Variants in FDFT1 observed in about 807,000 individuals in gnomAD.
FDFT1 encodes squalene synthase.
Under a neutral mutation model 46.8 loss-of-function variants are expected in FDFT1, and 68 were observed. The observed-to-expected ratio is 1.45, with a 90% CI of 1.19 to 1.78. The LOEUF (loss-of-function observed/expected upper bound fraction) is 1.78, where lower values mean the gene tolerates loss of function less well. Among genes scored for constraint, FDFT1 ranks in the 40% most tolerant of loss-of-function variants. The probability of loss-of-function intolerance (pLI) is 0.00; values close to 1 mark genes in which losing one functional copy is unlikely to be tolerated. For synonymous variants in FDFT1, 351 were observed against 185.1 expected (o/e 1.90, Z -7.28); for missense variants, 928 against 524.4 (o/e 1.77, Z -7.52).
At chr8:11,821,003 G>A (rs1809163393) in intron 3 of FDFT1, among the ~76,000 whole-genome samples, 1 of 152,226 alleles carries the variant, frequency 6.6e-6, no homozygotes, top group Non-Finnish European at 1.5e-5. Context: ...CATCTTGGAA[G>A]CAACTCTGGG....
Position 11,839,294 on chromosome 8 carries a change from C to G in FDFT1, c.*685C>G, listed in dbSNP as rs189861302. On this transcript the variant is annotated 3_prime_UTR_variant, in exon 8 of 8. Transcript: ENST00000220584. ...TTTTATAATAAAGAATTTAATTGCT[C>G]TGCATTTGTCAAGTACAGTTCGCTT... 126 of 150,754 alleles carry G rather than the reference C, an allele frequency of 8.4e-4. No individual in the cohort carries two copies. Among genetic ancestry groups the G allele is most frequent in the African/African-American group, 2.9e-3 (122 of 41,390 alleles). The allele number at this position is 150,754 out of a possible 1,614,324, so 9.3% of individuals were successfully genotyped here.
In FDFT1 at chr8:11,809,673, A is replaced by G; in HGVS notation, c.204A>G (p.Ala68=). 1.2e-6 allele frequency: 2 copies of G among 1,609,466 alleles called. No individual in the cohort carries two copies. ...AGTTTTCCCTTTTTTACAGCAACGC[A>G]GTGTGCATATTTTATCTGGTTCTCC... ...IQALDGEMRN[A]VCIFYLVLRA... Residue 68 remains alanine, a synonymous_variant, in exon 3 of 8, where the codon GCA becomes GCG. Coordinates refer to ENST00000220584, the MANE Select transcript of FDFT1 (RefSeq NM_004462.5).
At chr8:11,833,580 G>C (rs143009344) in intron 7 of FDFT1, among the ~76,000 whole-genome samples, 227 of 152,286 alleles carry the variant, frequency 1.5e-3, no homozygotes, top group Middle Eastern at 6.8e-3. Context: ...TAACTATTGG[G>C]ATTAAATCCT....
intron 6 of FDFT1, 89 bp from the exon 7 acceptor site, chr8:11,831,429 A>G (rs1348397189): frequency 1.5e-5 from 18 of 1,193,802 alleles, no homozygotes; most frequent in Non-Finnish European, 1.9e-5. Context: ...GCAATTGCCC[A>G]TTCAACAGAA....
In FDFT1 at chr8:11,829,494, GTAGGAATATAATGT is replaced by G. The variant is rs1268358094; in HGVS notation, c.703-746_703-733del. Reference sequence around the variant, plus strand: ...GCCTTTCAGCAGCTTTCTTACCAGAGTAGGAATATAATGTTAGTCATTATTTAGAGGCCTGGCCA... The same window carrying G: ...GCCTTTCAGCAGCTTTCTTACCAGAGTAGTCATTATTTAGAGGCCTGGCCA... On this transcript the variant is annotated intron_variant, in intron 5 of 7. Coordinates refer to ENST00000220584, the MANE Select transcript of FDFT1 (RefSeq NM_004462.5). Among the ~76,000 whole-genome samples the G allele has an allele frequency of 2.6e-5, 4 of 152,336 alleles. No individual in the cohort carries two copies. In the East Asian group the frequency reaches 5.8e-4, roughly 22 times the overall value.
intron 7 of FDFT1, among the ~76,000 whole-genome samples, chr8:11,835,971 TAAAAA>T (rs755611965): frequency 0.019 from 1,210 of 64,592 alleles, 33 homozygotes; most frequent in African/African-American, 0.057. Context: ...CTGTCTCTAC[TAAAAA>T]AAAAAAAAAA....
chr8:11,798,074 G>T (rs1218680143), upstream of FDFT1: 3 of 152,202 alleles, frequency 2.0e-5, no homozygotes, highest in African/African-American at 7.2e-5. Flanking sequence ...TCAAGTGTGT[G>T]TTTTTATTTT....
chr8:11,814,049 G>C (rs919617293), intron 3 of FDFT1, among the ~76,000 whole-genome samples: 6 of 152,312 alleles, frequency 3.9e-5, no homozygotes, highest in Admixed American at 1.3e-4. Context: ...AGAAGTGAAA[G>C]TGTTTTGGAG....
chr8:11,809,246 C>T (rs1374753766), intron 2 of FDFT1: 25 of 1,151,264 alleles, frequency 2.2e-5, no homozygotes, highest in East Asian at 5.5e-5. Flanking sequence ...TCTTTTGAAG[C>T]TGCCTCTGTG....
intron 5 of FDFT1, among the ~76,000 whole-genome samples, chr8:11,826,965 G>A (rs556433683): frequency 6.6e-6 from 1 of 152,338 alleles, no homozygotes. Flanking sequence ...GCAGGAAGGG[G>A]AAAGGGATGG....
chr8:11,821,401 G>C (rs1273912777), intron 3 of FDFT1, among the ~76,000 whole-genome samples: 1 of 152,188 alleles, frequency 6.6e-6, no homozygotes, highest in Non-Finnish European at 1.5e-5. Flanking sequence ...GACCAGCTTG[G>C]CCAACATGGT....
At chr8:11,809,872 G>A in intron 3 of FDFT1, 22 bp downstream of exon 3, 2 of 1,588,630 alleles carry the variant, frequency 1.3e-6, no homozygotes, top group Non-Finnish European at 1.7e-6. Flanking sequence ...TACGCATCTT[G>A]TCTACGGACT....
intron 6 of FDFT1, 108 bp downstream of exon 6, chr8:11,830,528 G>A (rs753067410): frequency 4.1e-5 from 32 of 777,746 alleles, no homozygotes; most frequent in Non-Finnish European, 6.6e-5. Flanking sequence ...TTAAAAAGAC[G>A]ATGACTCCAG....
At chr8:11,812,269 G>A (rs910026982) in intron 3 of FDFT1, among the ~76,000 whole-genome samples, 9 of 152,202 alleles carry the variant, frequency 5.9e-5, no homozygotes, top group African/African-American at 1.9e-4. Flanking sequence ...CCACGTCTGC[G>A]TCCGCACAGT....
At chr8:11,819,005 C>T (rs1808850982) in intron 3 of FDFT1, among the ~76,000 whole-genome samples, 1 of 152,184 alleles carries the variant, frequency 6.6e-6, no homozygotes, top group Admixed American at 6.5e-5. Context: ...TGTTCCTTTC[C>T]ATTTTTACTG....
chr8:11,809,109 G>C (rs186391861), intron 2 of FDFT1: 46 of 1,283,990 alleles, frequency 3.6e-5, no homozygotes, highest in African/African-American at 1.8e-4. Flanking sequence ...CAGAGAAGAG[G>C]GGGGAGGGGG....
intron 5 of FDFT1, among the ~76,000 whole-genome samples, chr8:11,828,528 C>T (rs973948688): frequency 6.6e-6 from 1 of 152,342 alleles, no homozygotes; most frequent in Non-Finnish European, 1.5e-5. Flanking sequence ...CAGCCCCTGA[C>T]CACTGTTCCA....
At chr8:11,814,950 T>C (rs988929505) in intron 3 of FDFT1, among the ~76,000 whole-genome samples, 2 of 152,112 alleles carry the variant, frequency 1.3e-5, no homozygotes, top group African/African-American at 4.8e-5. Context: ...ACATGTGCCA[T>C]GTTGGTTTGC....
At chr8:11,824,824 C>A (rs1468805432) in intron 4 of FDFT1, among the ~76,000 whole-genome samples, 1 of 152,126 alleles carries the variant, frequency 6.6e-6, no homozygotes, top group East Asian at 1.9e-4. Context: ...CAAGCTCCAC[C>A]TCCTGGGTTC....
Sources: gnomAD v4.1 joint callset for allele counts (sites outside exome capture counted in the v4.1 genomes callset) on GRCh38, gnomAD v4.1.1 for gene constraint, MANE v1.5 for transcripts, NCBI Gene and HGNC (gene_info 2026-07-23, HGNC 2026-07-21) for gene names.